Variants in PHACTR2 observed in about 807,000 individuals in gnomAD.
PHACTR2 encodes the protein chromosome 6 open reading frame 56.
PHACTR2 carries 30 observed loss-of-function variants against 76.0 expected under a neutral mutation model. That is an observed-to-expected ratio of 0.39 (90% CI 0.30 to 0.54). The LOEUF (loss-of-function observed/expected upper bound fraction) is 0.54, where lower values mean the gene tolerates loss of function less well. PHACTR2 is among the 20% of genes least tolerant of loss of function. The pLI is 0.61. For missense variants in PHACTR2, 696 were observed against 781.1 expected (o/e 0.89, Z 1.30); for synonymous variants, 292 against 292.5 (o/e 1.00, Z 0.02).
chr6:143,695,066 T>G lies in PHACTR2; in HGVS notation c.46+16857T>G, dbSNP rs1487044189. Among the ~76,000 whole-genome samples, 2 of 152,210 alleles carry G rather than the reference T, an allele frequency of 1.3e-5. No homozygotes were observed. Among genetic ancestry groups the G allele is most frequent in the Admixed American group, 6.5e-5 (1 of 15,276 alleles). On this transcript the variant is annotated intron_variant, in intron 1 of 12. Coordinates refer to ENST00000440869, the MANE Select transcript of PHACTR2 (RefSeq NM_001100164.2). This position sits in a 1 kb window ranked among gnomAD's most constrained non-coding sequence, Gnocchi z 4.4. ...TCAGAATCTAGTGACCCTAGGTCCT[T>G]TTGTAAAATGATTAAAACTCTCCTT... is the stretch of plus-strand genomic sequence containing the variant.
rs950959748 is a variant in PHACTR2, at chr6:143,539,057, A to G, written c.217+1850A>G. On this transcript the variant is annotated intron_variant, in intron 1 of 11. Coordinates refer to the PHACTR2 transcript ENST00000367584. This position sits in a 1 kb window ranked among gnomAD's most constrained non-coding sequence, Gnocchi z 4.3. The stretch of plus-strand genomic sequence containing the variant: ...CCTAGTTGGTGATTGTAGACAAAGT[A>G]TAGCTTGCATCGCCATTTTTCATTT... Among the ~76,000 whole-genome samples, 1 of 152,254 alleles carries G rather than the reference A, an allele frequency of 6.6e-6. No homozygotes were observed. Among genetic ancestry groups the G allele is most frequent in the African/African-American group, 2.4e-5 (1 of 41,458 alleles).
At position 143,549,836 on chromosome 6, in the gene PHACTR2, C is replaced by T. The variant is rs901569233; in HGVS notation, c.217+12629C>T. 2.0e-5 allele frequency among the ~76,000 whole-genome samples: 3 copies of T among 151,826 alleles called. No individual in the cohort carries two copies. Among genetic ancestry groups the T allele is most frequent in the African/African-American group, 4.8e-5 (2 of 41,342 alleles). ...GCTTAGGAGTGGGGGTGGGGTGTCT[C>T]GGTATGATTCAGCCGGTCCCTGGCC... On this transcript the variant is annotated intron_variant, in intron 1 of 11. Transcript: ENST00000367584. This position sits in a 1 kb window ranked among gnomAD's most constrained non-coding sequence, Gnocchi z 4.2.
At chr6:143,805,036 C>T (rs1776034066) in intron 11 of PHACTR2, among the ~76,000 whole-genome samples, 1 of 152,172 alleles carries the variant, frequency 6.6e-6, no homozygotes, top group Non-Finnish European at 1.5e-5. Flanking sequence ...CTAAGGGTCA[C>T]ACTGCTAATG....
rs1052485592 is a variant in PHACTR2, at chr6:143,678,193, C to T, written c.30C>T (p.Ser10=). ...GCCAGACCTCGGTGTCCACGCTGTC[C>T]CCGCAGCCCGGCAGCGGTGAGTCCG... MGQTSVSTL[S]PQPGSVDGLD... is the part of the protein sequence containing the mutation. The change falls in exon 1 of 13, where the codon TCC becomes TCT. Residue 10 remains serine (S), a synonymous_variant. Coordinates refer to ENST00000440869, the MANE Select transcript of PHACTR2 (RefSeq NM_001100164.2). The surrounding 1 kb of genome is among the most constrained non-coding windows in gnomAD (Gnocchi z 6.2). The T allele has an allele frequency of 6.5e-6, 10 of 1,537,304 alleles. No individual in the cohort carries two copies. The highest frequency in any genetic ancestry group is 5.6e-5 in the African/African-American group (4 of 70,900).
At position 143,654,827 on chromosome 6, in the gene PHACTR2, A is replaced by G. The variant is rs540627816; in HGVS notation, c.13+46505A>G. Among the ~76,000 whole-genome samples, 1 of 152,120 alleles carries G rather than the reference A, an allele frequency of 6.6e-6. No individual in the cohort carries two copies. Among genetic ancestry groups the G allele is most frequent in the Non-Finnish European group, 1.5e-5 (1 of 67,996 alleles). Reference sequence around the variant, plus strand: ...TCTACAAATAAACAAAAACTAAATGAAGTATTGATACATGCCACAACATGG... The same window carrying G: ...TCTACAAATAAACAAAAACTAAATGGAGTATTGATACATGCCACAACATGG... On this transcript the variant is annotated intron_variant, in intron 1 of 11. Coordinates refer to the PHACTR2 transcript ENST00000305766. The surrounding 1 kb of genome is among the most constrained non-coding windows in gnomAD (Gnocchi z 4.6).
rs1779318299 is a variant in PHACTR2 at position 143,757,091 on chromosome 6, T to C, written c.454+3179T>C. On this transcript the variant is annotated intron_variant, in intron 4 of 12. Coordinates refer to ENST00000440869, the MANE Select transcript of PHACTR2 (RefSeq NM_001100164.2). This position sits in a 1 kb window ranked among gnomAD's most constrained non-coding sequence, Gnocchi z 4.2. ...AAATAATAAGATTTTATAAGAATTC[T>C]AAGAAATCTTGCTTGACATTATTTT... 6.6e-6 allele frequency among the ~76,000 whole-genome samples: 1 copy of C among 152,180 alleles called. No individual in the cohort carries two copies. The highest frequency in any genetic ancestry group is 2.4e-5 in the African/African-American group (1 of 41,446).
chr6:143,599,121 G>C lies in PHACTR2; in HGVS notation c.217+61914G>C, dbSNP rs1775785966. Among the ~76,000 whole-genome samples, 1 of 152,066 alleles carries C rather than the reference G, an allele frequency of 6.6e-6. No homozygotes were observed. The highest frequency in any genetic ancestry group is 6.6e-5 in the Admixed American group (1 of 15,262). ...GTGTCCTAAGCTGATCTGAAAAATT[G>C]GGGTCACCTCCAATTCTTTTTTCAA... On this transcript the variant is annotated intron_variant, in intron 1 of 11. Transcript: ENST00000367584. The surrounding 1 kb of genome is among the most constrained non-coding windows in gnomAD (Gnocchi z 4.6).
chr6:143,704,701 T>C (rs1778005087), intron 1 of PHACTR2, among the ~76,000 whole-genome samples: 2 of 152,214 alleles, frequency 1.3e-5, no homozygotes, highest in Non-Finnish European at 2.9e-5. Context: ...TTTTCCCTAA[T>C]GTCGTCTTTT....
chr6:143,540,701 T>G (rs1781164708), intron 1 of PHACTR2, among the ~76,000 whole-genome samples: 1 of 139,114 alleles, frequency 7.2e-6, no homozygotes, highest in African/African-American at 3.2e-5. Flanking sequence ...AAGTGCTTTA[T>G]CAGAAAAAAA....
chr6:143,577,194 T>A (rs1775525517), intron 1 of PHACTR2, among the ~76,000 whole-genome samples: 1 of 152,180 alleles, frequency 6.6e-6, no homozygotes, highest in Admixed American at 6.5e-5. Context: ...AGAGGGAAGA[T>A]TCAGTCTTTT....
chr6:143,598,990 C>A lies in PHACTR2; in HGVS notation c.217+61783C>A, dbSNP rs1582690773. On this transcript the variant is annotated intron_variant, in intron 1 of 11. Transcript: ENST00000367584. The surrounding 1 kb of genome is among the most constrained non-coding windows in gnomAD (Gnocchi z 4.1). ...TTTAGATAGCATCTCACCCCTGACT[C>A]TTTTAGAACAATGATGGCAGTGGGA... 6.6e-6 allele frequency among the ~76,000 whole-genome samples: 1 copy of A among 152,318 alleles called. No individual in the cohort carries two copies. Among genetic ancestry groups the A allele is most frequent in the Middle Eastern group, 3.4e-3 (1 of 294 alleles).
Position 143,743,333 on chromosome 6 carries a change from G to C in PHACTR2, c.215-5652G>C, listed in dbSNP as rs1778985857. 6.6e-6 allele frequency among the ~76,000 whole-genome samples: 1 copy of C among 152,206 alleles called. No individual in the cohort carries two copies. Among genetic ancestry groups the C allele is most frequent in the African/African-American group, 2.4e-5 (1 of 41,454 alleles). On this transcript the variant is annotated intron_variant, in intron 2 of 12. Transcript: ENST00000440869. The surrounding 1 kb of genome is among the most constrained non-coding windows in gnomAD (Gnocchi z 5.0). ...ATGGAAGGAAAGTGATGGGAAAAAT[G>C]GTTCGCTGGGACGGGTTGTAAAGCT...
In PHACTR2 at chr6:143,642,000, A is replaced by C. The variant is rs988529924; in HGVS notation, c.13+33678A>C. Among the ~76,000 whole-genome samples the C allele has an allele frequency of 6.6e-6, 1 of 152,206 alleles. No individual in the cohort carries two copies. The highest frequency in any genetic ancestry group is 1.5e-5 in the Non-Finnish European group (1 of 68,040). On this transcript the variant is annotated intron_variant, in intron 1 of 11. Transcript: ENST00000305766. This position sits in a 1 kb window ranked among gnomAD's most constrained non-coding sequence, Gnocchi z 5.8. Reference sequence around the variant, plus strand: ...ACTCATGCATGGCCAACAGCTACATAGAGGTGAATTATATATAGCTCCTCT... The same window carrying C: ...ACTCATGCATGGCCAACAGCTACATCGAGGTGAATTATATATAGCTCCTCT...
At position 143,580,608 on chromosome 6, in the gene PHACTR2, G is replaced by T. The variant is rs1430763136; in HGVS notation, c.217+43401G>T. On this transcript the variant is annotated intron_variant, in intron 1 of 11. Transcript: ENST00000367584. The surrounding 1 kb of genome is among the most constrained non-coding windows in gnomAD (Gnocchi z 4.2). ...GAATTGCTTGAACCCGGGAGGCAGA[G>T]GTTGCAGTGAACTGAGATCATGCCA... 1.3e-5 allele frequency among the ~76,000 whole-genome samples: 2 copies of T among 152,228 alleles called. No individual in the cohort carries two copies. The highest frequency in any genetic ancestry group is 1.3e-4 in the Admixed American group (2 of 15,286).
rs996163643 is a variant in PHACTR2, at chr6:143,806,169, T to C, written c.1846-888T>C. ...GAACCATCTGTAATCCTGCCACTAT[T>C]TGTTAACAGATAACTAATGTTAACA... On this transcript the variant is annotated intron_variant, in intron 11 of 12. Transcript: ENST00000440869. The surrounding 1 kb of genome is among the most constrained non-coding windows in gnomAD (Gnocchi z 5.8). Among the ~76,000 whole-genome samples the C allele has an allele frequency of 2.6e-5, 4 of 152,214 alleles. No individual in the cohort carries two copies. Among genetic ancestry groups the C allele is most frequent in the Admixed American group, 2.6e-4 (4 of 15,278 alleles).
intron 2 of PHACTR2, among the ~76,000 whole-genome samples, chr6:143,720,928 A>AT (rs1778428101): frequency 6.6e-6 from 1 of 152,224 alleles, no homozygotes; most frequent in Non-Finnish European, 1.5e-5. Context: ...GTCAATCTTG[A>AT]TATCTACTGC....
In PHACTR2 at chr6:143,760,158, G is replaced by A. The variant is rs779702273; in HGVS notation, c.455-243G>A. ...TTACACACATCCTCAACCTAATTTC[G>A]TCAAAGTAGTTTGTATAACCCGGTT... On this transcript the variant is annotated intron_variant, in intron 4 of 12. Coordinates refer to ENST00000440869, the MANE Select transcript of PHACTR2 (RefSeq NM_001100164.2). This position sits in a 1 kb window ranked among gnomAD's most constrained non-coding sequence, Gnocchi z 6.4. Among the ~76,000 whole-genome samples, 6 of 152,086 alleles carry A rather than the reference G, an allele frequency of 3.9e-5. No homozygotes were observed. The highest frequency in any genetic ancestry group is 4.1e-4 in the South Asian group (2 of 4,824).
In PHACTR2 at chr6:143,826,582, T is replaced by TA. The variant is rs1349504367; in HGVS notation, c.*2894dup. The stretch of plus-strand genomic sequence containing the variant: ...GATGTAGAAACCAAAGTGACCATTT[T>TA]AGTTTTTTTATTGGAGAATAAAACA... On this transcript the variant is annotated 3_prime_UTR_variant, in exon 13 of 13. Transcript: ENST00000440869. The TA allele has an allele frequency of 8.4e-4, 110 of 130,222 alleles. No homozygotes were observed. Among genetic ancestry groups the TA allele is most frequent in the African/African-American group, 3.5e-3 (105 of 29,666 alleles). The allele number at this position is 130,222 out of a possible 1,614,324, so 8.1% of individuals were successfully genotyped here.
intron 1 of PHACTR2, among the ~76,000 whole-genome samples, chr6:143,642,988 T>C (rs1776594841): frequency 1.3e-5 from 2 of 152,346 alleles, no homozygotes; most frequent in East Asian, 3.9e-4. Flanking sequence ...AAGTTGTTCA[T>C]GAGTACTAAG....
Sources: gnomAD v4.1 joint callset for allele counts (sites outside exome capture counted in the v4.1 genomes callset) on GRCh38, gnomAD v4.1.1 for gene constraint, Gnocchi (gnomAD v3.1) non-coding constraint, MANE v1.5 for transcripts, NCBI Gene and HGNC (gene_info 2026-07-23, HGNC 2026-07-21) for gene names.